Variants in NOD2 observed in about 807,000 individuals in gnomAD.
NOD2 encodes nucleotide binding oligomerization domain containing 2.
NOD2 carries 86 observed loss-of-function variants against 90.9 expected under a neutral mutation model. That is an observed-to-expected ratio of 0.95 (90% CI 0.79 to 1.13). The LOEUF (loss-of-function observed/expected upper bound fraction) is 1.13. Ranked by LOEUF, NOD2 falls within the 50% of genes most tolerant of loss-of-function variation. The pLI is 0.00. For synonymous variants in NOD2, 581 were observed against 554.6 expected, an observed-to-expected ratio of 1.05 and a Z score of -0.67; for missense variants, 1,238 against 1,283.8, an observed-to-expected ratio of 0.96 and a Z score of 0.55.
At chr16:50,727,966 C>A in intron 10 of NOD2, 1 of 266,996 alleles carries the variant, frequency 3.7e-6, no homozygotes, top group South Asian at 4.0e-5. Flanking sequence ...CTGAGCTAGT[C>A]ATTGCCAGTT....
chr16:50,703,736 G>T (rs1025661003), intron 2 of NOD2, among the ~76,000 whole-genome samples: 7 of 151,870 alleles, frequency 4.6e-5, no homozygotes, highest in South Asian at 4.2e-4. Flanking sequence ...TTAGATGAAG[G>T]TTCCCAAGGC....
intron 7 of NOD2, among the ~76,000 whole-genome samples, chr16:50,721,443 A>C (rs941075588): frequency 6.6e-6 from 1 of 150,396 alleles, no homozygotes; most frequent in African/African-American, 2.5e-5. Context: ...TATTATAGGA[A>C]TTTTTTTAGG....
rs367637762 is a variant in NOD2 at position 50,711,857 on chromosome 16, T to A, written c.1865T>A (p.Ile622Asn). Residue 622 changes from isoleucine to asparagine, a missense_variant, in exon 4 of 12, where the codon ATC becomes AAC. Around this residue, in one of 3 missense-constraint regions of NOD2, gnomAD observed 667 missense variants for 688.7 expected, o/e 0.97. Coordinates refer to ENST00000647318, the MANE Select transcript of NOD2 (RefSeq NM_001370466.1). ...PMARLLPTMCIQASEGKDSSV... is the reference protein window; with the variant it reads ...PMARLLPTMCNQASEGKDSSV... ...GCCAGGCTCCTGCCCACGATGTGCA[T>A]CCAGGCCTCGGAGGGAAAGGACAGC... 6.8e-6 allele frequency: 11 copies of A among 1,612,074 alleles called. No individual in the cohort carries two copies. Among genetic ancestry groups the A allele is most frequent in the Non-Finnish European group, 9.3e-6 (11 of 1,178,322 alleles).
chr16:50,720,062 G>C, intron 7 of NOD2, 54 bp downstream of exon 7: 1 of 1,509,326 alleles, frequency 6.6e-7, no homozygotes, highest in Non-Finnish European at 9.2e-7. Context: ...GGACTTTTGA[G>C]GATTTAGGGG....
intron 4 of NOD2, chr16:50,712,720 T>A (rs1964597179): frequency 2.8e-6 from 1 of 361,508 alleles, no homozygotes; most frequent in Admixed American, 4.2e-5. Context: ...ATGGCAGAGC[T>A]GGGGTTCACA....
At position 50,725,509 on chromosome 16, in the gene NOD2, A is replaced by C; in HGVS notation, c.2822A>C (p.Gln941Pro). 6.2e-7 allele frequency: 1 copy of C among 1,614,030 alleles called. No individual in the cohort carries two copies. The highest frequency in any genetic ancestry group is 1.3e-5 in the African/African-American group (1 of 75,056). ...ACCAGCCTGGAGGAGAACCATCTCCAGGATGAAGGTGTATGTTCTCTCGCA... is the reference window on the plus strand; with the variant it reads ...ACCAGCCTGGAGGAGAACCATCTCCCGGATGAAGGTGTATGTTCTCTCGCA... The part of the protein sequence containing the change: ...EELCLEENHL[Q>P]DEGVCSLAEG... The change falls in exon 10 of 12, where the codon CAG becomes CCG. Residue 941 changes from glutamine to proline, a missense_variant. By Grantham distance (76) the Gln-to-Pro change is moderately conservative (BLOSUM62 -1). This residue lies in a region of NOD2 where 667 missense variants were observed against 688.7 expected (regional missense o/e 0.97). Transcript: ENST00000647318.
At chr16:50,728,855 G>A (rs1232081028) in intron 10 of NOD2, among the ~76,000 whole-genome samples, 2 of 152,068 alleles carry the variant, frequency 1.3e-5, no homozygotes, top group Non-Finnish European at 2.9e-5. Context: ...TCTAATCTCT[G>A]TCTCTGTGCC....
chr16:50,726,955 A>T (rs1206877365), intron 10 of NOD2, among the ~76,000 whole-genome samples: 1 of 152,022 alleles, frequency 6.6e-6, no homozygotes, highest in Non-Finnish European at 1.5e-5. Flanking sequence ...AGCCTGACCA[A>T]CATGGAGAAA....
At position 50,732,449 on chromosome 16, in the gene NOD2, T is replaced by G. The variant is rs905042822; in HGVS notation, c.*630T>G. ...CACCCAGGGTGGGAAGGGCTACACC[T>G]TAGCCTGCCCTCCTTTCCGGTGTTT... On this transcript the variant is annotated 3_prime_UTR_variant, in exon 12 of 12. Transcript: ENST00000647318. 6.4e-6 allele frequency: 1 copy of G among 156,990 alleles called. No individual in the cohort carries two copies. Among genetic ancestry groups the G allele is most frequent in the Non-Finnish European group, 1.4e-5 (1 of 70,548 alleles). 9.7% of individuals were successfully genotyped at this position (156,990 alleles called of 1,614,324 possible).
Position 50,712,243 on chromosome 16 carries a change from G to A in NOD2, c.2251G>A (p.Glu751Lys), listed in dbSNP as rs104895443. ...KLTFCSVGPTECAALAFVLQH... is the reference protein window; with the variant it reads ...KLTFCSVGPTKCAALAFVLQH... ...GACATTTTGCAGTGTGGGCCCCACT[G>A]AGTGTGCTGCCCTGGCCTTTGTGCT... Residue 751 changes from glutamate to lysine, a missense_variant, in exon 4 of 12, where the codon GAG (glutamate) becomes AAG (lysine). By Grantham distance (56) the Glu-to-Lys change is moderately conservative. Coordinates refer to ENST00000647318, the MANE Select transcript of NOD2 (RefSeq NM_001370466.1). 647 of 1,613,934 alleles carry A rather than the reference G, an allele frequency of 4.0e-4. No individual in the cohort carries two copies. Among genetic ancestry groups the A allele is most frequent in the Non-Finnish European group, 5.3e-4 (624 of 1,180,042 alleles).
Position 50,731,964 on chromosome 16 carries a change from G to A in NOD2, c.*145G>A. On this transcript the variant is annotated 3_prime_UTR_variant, in exon 12 of 12. Transcript: ENST00000647318. Reference sequence around the variant, plus strand: ...GAACTTGTTTTCTGGGAACACCATAGGTCACCTTTATTCTGGCAGAGGAGG... The same window carrying A: ...GAACTTGTTTTCTGGGAACACCATAAGTCACCTTTATTCTGGCAGAGGAGG... 1 of 702,028 alleles carries A rather than the reference G, an allele frequency of 1.4e-6. No homozygotes were observed. The highest frequency in any genetic ancestry group is 2.6e-6 in the Non-Finnish European group (1 of 385,112). The allele number at this position is 702,028 out of a possible 1,614,324, so 43.5% of individuals were successfully genotyped here.
chr16:50,703,632 C>T (rs1271349187), intron 2 of NOD2, among the ~76,000 whole-genome samples: 2 of 143,514 alleles, frequency 1.4e-5, no homozygotes, highest in African/African-American at 5.2e-5. Flanking sequence ...TGCAGTGAGC[C>T]AAGATCGCAC....
intron 4 of NOD2, among the ~76,000 whole-genome samples, chr16:50,714,640 G>GTGTGTA (rs1964698889): frequency 6.7e-6 from 1 of 148,982 alleles, no homozygotes; most frequent in South Asian, 2.1e-4. Context: ...GTGTGTGTGT[G>GTGTGTA]TGTATGAGAG....
intron 1 of NOD2, among the ~76,000 whole-genome samples, chr16:50,695,592 C>T (rs908344123): frequency 2.0e-5 from 3 of 151,978 alleles, no homozygotes; most frequent in Non-Finnish European, 2.9e-5. Context: ...CAGGTGGGCT[C>T]ATCTAGGGAT....
intron 7 of NOD2, 90 bp from the exon 8 acceptor site, chr16:50,722,532 A>C: frequency 1.2e-4 from 141 of 1,179,532 alleles, no homozygotes; most frequent in Middle Eastern, 1.9e-4. Context: ...TCTGGCTGGG[A>C]CTGCAGAGGG....
intron 2 of NOD2, among the ~76,000 whole-genome samples, chr16:50,704,564 C>T (rs1039827876): frequency 1.6e-4 from 24 of 148,730 alleles, no homozygotes; most frequent in African/African-American, 6.0e-4. Context: ...GACAGTGTCT[C>T]ACTCTGTCAC....
At chr16:50,720,571 C>T (rs1393670881) in intron 7 of NOD2, among the ~76,000 whole-genome samples, 1 of 152,184 alleles carries the variant, frequency 6.6e-6, no homozygotes, top group Non-Finnish European at 1.5e-5. Flanking sequence ...GGGAGTACCC[C>T]AACCTGCAGC....
chr16:50,697,385 G>A (rs1596819667), intron 1 of NOD2: 1 of 1,400,752 alleles, frequency 7.1e-7, no homozygotes, highest in Non-Finnish European at 9.9e-7. Flanking sequence ...GCCGCGACAT[G>A]CTCCCAGGCC....
In NOD2 at chr16:50,725,588, GCAGGAAA is replaced by G. The variant is rs1318503834; in HGVS notation, c.2885+22_2885+28del. The G allele has an allele frequency of 1.3e-6, 2 of 1,593,452 alleles. No homozygotes were observed. The highest frequency in any genetic ancestry group is 2.7e-5 in the African/African-American group (2 of 74,506). On this transcript the variant is annotated intron_variant, in intron 10 of 11. Transcript: ENST00000647318. ...AAATCCTGAAGTAAGGAACCCATAA[GCAGGAAA>G]CAGGACAATAATTGCTGGCCTTTGG...
Sources: gnomAD v4.1 joint callset for allele counts (sites outside exome capture counted in the v4.1 genomes callset) on GRCh38, gnomAD v4.1.1 for gene constraint, gnomAD v4.1.1 regional missense constraint, MANE v1.5 for transcripts, NCBI Gene and HGNC (gene_info 2026-07-23, HGNC 2026-07-21) for gene names.